AP1M2: variants seen among roughly 807,000 people sequenced by gnomAD.
The protein encoded by AP1M2 is AP-1 complex subunit mu-2.
AP1M2 carries 41 observed loss-of-function variants against 54.6 expected under a neutral mutation model. The observed-to-expected ratio is 0.75, with a 90% confidence interval of 0.59 to 0.97. The LOEUF (loss-of-function observed/expected upper bound fraction) is 0.97, where lower values mean the gene tolerates loss of function less well. Among genes scored for constraint, AP1M2 ranks in the 50% least tolerant of loss-of-function variants. The pLI, the probability that AP1M2 is intolerant of heterozygous loss-of-function variation, is 0.00. For synonymous variants in AP1M2, 219 were observed against 215.9 expected (o/e 1.01, Z -0.13); for missense variants, 507 against 561.2 (o/e 0.90, Z 0.98).
intron 3 of AP1M2, among the ~76,000 whole-genome samples, chr19:10,583,281 A>G (rs1917522641): frequency 6.6e-6 from 1 of 152,016 alleles, no homozygotes. Context: ...TTAGGGAGAG[A>G]TGACTTCATA....
intron 10 of AP1M2, 45 bp from the exon 11 acceptor site, chr19:10,574,537 G>C (rs1917162876): frequency 6.7e-7 from 1 of 1,498,504 alleles, no homozygotes; most frequent in East Asian, 2.4e-5. Context: ...CAGGAGGGAG[G>C]AGGCCAGGGC....
In AP1M2 at chr19:10,579,010, C is replaced by CTCTTCTTT. The variant is rs1262679090; in HGVS notation, c.817-55_817-48dup. On this transcript the variant is annotated intron_variant, in intron 7 of 11. Coordinates refer to ENST00000250244, the MANE Select transcript of AP1M2 (RefSeq NM_005498.5). The stretch of plus-strand genomic sequence containing the variant: ...AGTTCTTGGAGACTCCATGTTGACT[C>CTCTTCTTT]TCTTCTTTTTTTTTTTTTTTTTTTC... 2.8e-6 allele frequency: 3 copies of CTCTTCTTT among 1,074,104 alleles called. No homozygotes were observed. In the South Asian group the frequency reaches 4.6e-5, roughly 17 times the overall value. The allele number at this position is 1,074,104 out of a possible 1,614,324, so 66.5% of individuals were successfully genotyped here. A position where few individuals can be genotyped will look rare whatever the true frequency, so the allele number is the denominator to read the frequency against.
At chr19:10,578,806 C>T in intron 8 of AP1M2, 86 bp downstream of exon 8, 1 of 1,059,930 alleles carries the variant, frequency 9.4e-7, no homozygotes, top group Non-Finnish European at 1.4e-6. Context: ...ACCACCCCGG[C>T]CTCCCAAAGT....
rs1424980502 is a variant in AP1M2 at position 10,574,235 on chromosome 19, G to C, written c.1249+182C>G. The C allele has an allele frequency of 5.7e-6, 3 of 529,452 alleles. No homozygotes were observed. The African/African-American group carries it at 6.0e-5, about 11-fold the overall frequency. 32.8% of individuals were successfully genotyped at this position (529,452 alleles called of 1,614,324 possible). A position where few individuals can be genotyped will look rare whatever the true frequency, so the allele number is the denominator to read the frequency against. On this transcript the variant is annotated intron_variant, in intron 11 of 11. Coordinates refer to ENST00000250244, the MANE Select transcript of AP1M2 (RefSeq NM_005498.5). ...GGGTTTCACCATGTTGGCCAGGTTG[G>C]TCTCGAACTCCCGGCCTCAAGAGAT...
rs1568434699 is a variant in AP1M2, at chr19:10,585,283, A to AAAGAAAGAAAGAAAGAAAGAAGGAAAG, written c.43-1214_43-1213insCTTTCCTTCTTTCTTTCTTTCTTTCTT. ...AAGAAGGAAAGAAAGAAAGAAGAAA[A>AAAGAAAGAAAGAAAGAAAGAAGGAAAG]AAAGAAAGAAAGAAAGAAAGAAAGA... On this transcript the variant is annotated intron_variant, in intron 1 of 11. Coordinates refer to ENST00000250244, the MANE Select transcript of AP1M2 (RefSeq NM_005498.5). Among the ~76,000 whole-genome samples the AAAGAAAGAAAGAAAGAAAGAAGGAAAG allele has an allele frequency of 6.2e-4, 65 of 104,626 alleles. 3 individuals are homozygous for AAAGAAAGAAAGAAAGAAAGAAGGAAAG. Among genetic ancestry groups the AAAGAAAGAAAGAAAGAAAGAAGGAAAG allele is most frequent in the Middle Eastern group, 4.4e-3 (1 of 226 alleles). The allele number at this position is 104,626 out of a possible 152,430, so 68.6% of individuals were successfully genotyped here.
intron 10 of AP1M2, 62 bp from the exon 11 acceptor site, chr19:10,574,554 G>T: frequency 7.1e-7 from 1 of 1,409,058 alleles, no homozygotes; most frequent in Non-Finnish European, 9.7e-7. Flanking sequence ...GGGCCAGGGA[G>T]AAAGAGACGG....
In AP1M2 at chr19:10,581,504, C is replaced by A. The variant is rs1917457469; in HGVS notation, c.529G>T (p.Glu177Ter). The A allele has an allele frequency of 3.1e-6, 5 of 1,613,822 alleles. No individual in the cohort carries two copies. Among genetic ancestry groups the A allele is most frequent in the African/African-American group, 1.3e-5 (1 of 74,928 alleles). ...AGGCTCACCAGCAGGTTGACAGACT[C>A]TATGACATCAATGAAGACCTCGTTC... The part of the protein sequence containing the change: ...KKNEVFIDVI[E>*]SVNLLVNANG... Residue 177 changes from glutamate to a stop codon, truncating the protein, a stop_gained, in exon 5 of 12, where the codon GAG (glutamate) becomes TAG (stop). Coordinates refer to ENST00000250244, the MANE Select transcript of AP1M2 (RefSeq NM_005498.5). LOFTEE classifies it high-confidence loss of function.
chr19:10,579,446 A>T (rs1917363252), intron 7 of AP1M2, among the ~76,000 whole-genome samples: 2 of 152,120 alleles, frequency 1.3e-5, no homozygotes, highest in Admixed American at 6.6e-5. Flanking sequence ...AATTAAAAAA[A>T]ACAAATAAAG....
chr19:10,578,557 AT>A (rs201506913), intron 8 of AP1M2, among the ~76,000 whole-genome samples: 14 of 149,988 alleles, frequency 9.3e-5, no homozygotes, highest in South Asian at 4.3e-4. Context: ...TTGATAACAG[AT>A]TTTTTTTTTC....
At chr19:10,584,213 T>G (rs973849749) in intron 1 of AP1M2, 143 bp from the exon 2 acceptor site, 73 of 1,090,216 alleles carry the variant, frequency 6.7e-5, no homozygotes, top group Non-Finnish European at 8.9e-5. Context: ...TTTCCTGCTC[T>G]GTAAAATGGG....
intron 8 of AP1M2, among the ~76,000 whole-genome samples, chr19:10,577,961 C>T (rs1047789961): frequency 6.6e-6 from 1 of 152,010 alleles, no homozygotes; most frequent in African/African-American, 2.4e-5. Flanking sequence ...GTCTGGAACG[C>T]CTGACCTCAG....
At chr19:10,579,661 G>C in intron 7 of AP1M2, 55 bp downstream of exon 7, 1 of 1,549,314 alleles carries the variant, frequency 6.5e-7, no homozygotes, top group South Asian at 1.2e-5. Flanking sequence ...GCCCAGGGTC[G>C]CTCTTCAGCC....
intron 8 of AP1M2, among the ~76,000 whole-genome samples, chr19:10,577,988 C>T (rs886504087): frequency 6.6e-6 from 1 of 151,934 alleles, no homozygotes; most frequent in East Asian, 1.9e-4. Context: ...CTACTGCCTC[C>T]GCCTCCCAAC....
intron 8 of AP1M2, among the ~76,000 whole-genome samples, chr19:10,577,687 G>T: frequency 6.7e-6 from 1 of 148,414 alleles, no homozygotes; most frequent in African/African-American, 2.5e-5. Context: ...CGCCCACCCC[G>T]GCCTCTCAAA....
intron 1 of AP1M2, 106 bp downstream of exon 1, chr19:10,587,084 G>C: frequency 4.8e-6 from 6 of 1,244,204 alleles, no homozygotes; most frequent in African/African-American, 1.5e-5. Flanking sequence ...GCAGGGGGAG[G>C]GGGTGTTCCC....
chr19:10,581,278 C>T lies in AP1M2; in HGVS notation c.661G>A (p.Glu221Lys), dbSNP rs370954039. The change falls in exon 6 of 12, where the codon GAG becomes AAG. Residue 221 changes from glutamate to lysine, a missense_variant. Transcript: ENST00000250244. ...RLGLNDRVLF[E>K]LTGRSKNKSV... ...CCTAAATGCTTACGGCCAGTGAGCTCGAAGAGCACGCGGTCATTGAGGCCC... is the reference window on the plus strand; with the variant it reads ...CCTAAATGCTTACGGCCAGTGAGCTTGAAGAGCACGCGGTCATTGAGGCCC... 5 of 1,613,168 alleles carry T rather than the reference C, an allele frequency of 3.1e-6. No individual in the cohort carries two copies. Among genetic ancestry groups the T allele is most frequent in the Non-Finnish European group, 4.2e-6 (5 of 1,179,438 alleles).
Position 10,581,305 on chromosome 19 carries a change from G to A in AP1M2, c.634C>T (p.Leu212=), listed in dbSNP as rs774095464. 12 of 1,613,884 alleles carry A rather than the reference G, an allele frequency of 7.4e-6. No homozygotes were observed. Among genetic ancestry groups the A allele is most frequent in the Non-Finnish European group, 9.3e-6 (11 of 1,179,778 alleles). ...VFLSGMPELR[L]GLNDRVLFEL... ...AAGAGCACGCGGTCATTGAGGCCCA[G>A]CCGCAGCTCTGGCATTCCTGACAGA... The change falls in exon 6 of 12, where the codon CTG becomes TTG. Residue 212 remains leucine, a synonymous_variant. Coordinates refer to ENST00000250244, the MANE Select transcript of AP1M2 (RefSeq NM_005498.5).
intron 2 of AP1M2, 116 bp from the exon 3 acceptor site, chr19:10,583,789 C>G: frequency 6.7e-7 from 1 of 1,487,502 alleles, no homozygotes; most frequent in Non-Finnish European, 9.1e-7. Context: ...CCCCTGCCCC[C>G]CAGCCTAAGC....
In AP1M2 at chr19:10,581,288, G is replaced by A. The variant is rs376051091; in HGVS notation, c.651C>T (p.Arg217=). The A allele has an allele frequency of 6.2e-6, 10 of 1,613,552 alleles. No individual in the cohort carries two copies. The African/African-American group carries it at 6.7e-5, about 11-fold the overall frequency. ...TACGGCCAGTGAGCTCGAAGAGCAC[G>A]CGGTCATTGAGGCCCAGCCGCAGCT... ...MPELRLGLND[R]VLFELTGRSK... is the part of the protein sequence containing the mutation. Residue 217 remains arginine (R), a synonymous_variant, in exon 6 of 12, where the codon CGC becomes CGT. Transcript: ENST00000250244.
Sources: allele counts gnomAD v4.1 joint callset (sites outside exome capture counted in the v4.1 genomes callset), GRCh38; gene constraint gnomAD v4.1.1; transcripts MANE v1.5; gene names NCBI Gene and HGNC (gene_info 2026-07-23, HGNC 2026-07-21).